The following ATE1 variants were observed in gnomAD, a reference collection of about 807,000 sequenced individuals.
ATE1 encodes the protein arginyl-tRNA--protein transferase 1.
Under a neutral mutation model 70.5 loss-of-function variants are expected in ATE1, and 36 were observed. The observed-to-expected ratio is 0.51, with a 90% CI of 0.39 to 0.67. The LOEUF (loss-of-function observed/expected upper bound fraction) is 0.67, where lower values mean the gene tolerates loss of function less well. ATE1 is among the 30% of genes least tolerant of loss of function. The pLI is 0.00. For synonymous variants in ATE1, 232 were observed against 219.3 expected, an observed-to-expected ratio of 1.06 and a Z score of -0.51; for missense variants, 593 against 629.5, an observed-to-expected ratio of 0.94 and a Z score of 0.62.
chr10:121,843,966 GA>G (rs1948722737), intron 8 of ATE1, among the ~76,000 whole-genome samples: 1 of 152,176 alleles, frequency 6.6e-6, no homozygotes, highest in Non-Finnish European at 1.5e-5. Context: ...TCTGCTCTGT[GA>G]AAAACATTGT....
chr10:121,915,003 C>T (rs1019468918), intron 3 of ATE1, among the ~76,000 whole-genome samples: 2 of 152,160 alleles, frequency 1.3e-5, no homozygotes, highest in African/African-American at 4.8e-5. Flanking sequence ...GTAAACCAAA[C>T]CCATCAGGTA....
chr10:121,748,652 GTT>G (rs1034935913), intron 11 of ATE1, among the ~76,000 whole-genome samples: 1 of 142,932 alleles, frequency 7.0e-6, no homozygotes, highest in Admixed American at 7.0e-5. Flanking sequence ...TAGTTTTTTT[GTT>G]TTTTTTTTTA....
intron 11 of ATE1, among the ~76,000 whole-genome samples, chr10:121,789,535 G>A (rs138412979): frequency 6.1e-4 from 93 of 152,126 alleles, no homozygotes; most frequent in African/African-American, 2.2e-3. Flanking sequence ...CTGACCTCAC[G>A]TGATCTGCCT....
intron 11 of ATE1, among the ~76,000 whole-genome samples, chr10:121,773,737 G>A (rs1261431589): frequency 6.6e-6 from 1 of 152,014 alleles, no homozygotes; most frequent in African/African-American, 2.4e-5. Context: ...AAACATTTCT[G>A]TGAAATATTT....
chr10:121,888,507 C>T (rs751016576), intron 7 of ATE1, among the ~76,000 whole-genome samples: 1 of 152,078 alleles, frequency 6.6e-6, no homozygotes, highest in Admixed American at 6.5e-5. Context: ...GAAGGACAAC[C>T]GACATTACAT....
At chr10:121,816,494 C>T (rs1947547499) in intron 10 of ATE1, among the ~76,000 whole-genome samples, 1 of 152,180 alleles carries the variant, frequency 6.6e-6, no homozygotes, top group Non-Finnish European at 1.5e-5. Context: ...CACTCTTCCA[C>T]CAGGTAAGGG....
chr10:121,777,406 T>G (rs1449938990), intron 11 of ATE1, among the ~76,000 whole-genome samples: 1 of 152,128 alleles, frequency 6.6e-6, no homozygotes, highest in African/African-American at 2.4e-5. Context: ...ATTTGAGCGA[T>G]TCTAAGAACA....
intron 8 of ATE1, among the ~76,000 whole-genome samples, chr10:121,855,987 A>G (rs978479131): frequency 6.6e-6 from 1 of 151,312 alleles, no homozygotes; most frequent in Non-Finnish European, 1.5e-5. Context: ...GAGGCAGGAG[A>G]ATCACTTGAA....
At chr10:121,797,589 TAA>T (rs35428247) in intron 10 of ATE1, among the ~76,000 whole-genome samples, 76,779 of 145,264 alleles carry the variant, frequency 0.53, 20,158 homozygotes, top group East Asian at 0.78. Flanking sequence ...TGAGTGGGAG[TAA>T]AAAAAAAAAA....
At chr10:121,796,443 T>C (rs757401829) in intron 10 of ATE1, among the ~76,000 whole-genome samples, 36 of 152,146 alleles carry the variant, frequency 2.4e-4, no homozygotes, top group Admixed American at 5.9e-4. Context: ...CCAAACGATT[T>C]TAACTTCTGC....
chr10:121,927,503 C>G, intron 1 of ATE1: 1 of 985,392 alleles, frequency 1.0e-6, no homozygotes, highest in Non-Finnish European at 1.2e-6. Flanking sequence ...CAGCACCCAC[C>G]GGTCAGCCCC....
chr10:121,746,000 A>C (rs116387976), intron 11 of ATE1, among the ~76,000 whole-genome samples: 2,110 of 152,300 alleles, frequency 0.014, 43 homozygotes, highest in African/African-American at 0.049. Flanking sequence ...GTCCAATATA[A>C]AAAATCTGGA....
At position 121,819,679 on chromosome 10, in the gene ATE1, C is replaced by CAAAAAAAA. The variant is rs57035123; in HGVS notation, c.1257+17031_1257+17038dup. On this transcript the variant is annotated intron_variant, in intron 10 of 11. Coordinates refer to ENST00000224652, the MANE Select transcript of ATE1 (RefSeq NM_001001976.3). ...CCTGGGTGACAGAGCAAGACTGTCT[C>CAAAAAAAA]AAAAAAAAAAAAAAAAAAAAAAGAC... is the stretch of plus-strand genomic sequence containing the variant. 4.7e-4 allele frequency among the ~76,000 whole-genome samples: 25 copies of CAAAAAAAA among 52,714 alleles called. 1 individual carries two copies. Among genetic ancestry groups the CAAAAAAAA allele is most frequent in the African/African-American group, 1.4e-3 (16 of 11,430 alleles). 34.6% of individuals were successfully genotyped at this position (52,714 alleles called of 152,430 possible).
rs114019676 is a variant in ATE1 at position 121,753,767 on chromosome 10, C to T, written c.1379-9909G>A. Reference sequence around the variant, plus strand: ...CCGTTTATCTTTATCCTAATAAAGGCGAGGCTTAAAAACTCATAGAATATA... The same window carrying T: ...CCGTTTATCTTTATCCTAATAAAGGTGAGGCTTAAAAACTCATAGAATATA... On this transcript the variant is annotated intron_variant, in intron 11 of 11. Coordinates refer to ENST00000224652, the MANE Select transcript of ATE1 (RefSeq NM_001001976.3). Among the ~76,000 whole-genome samples the T allele has an allele frequency of 7.3e-3, 1,116 of 152,190 alleles. 20 individuals carry two copies. The highest frequency in any genetic ancestry group is 0.026 in the African/African-American group (1,074 of 41,520).
intron 10 of ATE1, among the ~76,000 whole-genome samples, chr10:121,832,824 T>C (rs1373027252): frequency 6.6e-6 from 1 of 152,214 alleles, no homozygotes; most frequent in Admixed American, 6.5e-5. Context: ...CTGGGAACTT[T>C]CAGAGAGAGG....
chr10:121,821,976 T>A (rs1432547758), intron 10 of ATE1, among the ~76,000 whole-genome samples: 4 of 152,166 alleles, frequency 2.6e-5, no homozygotes, highest in East Asian at 1.9e-4. Context: ...ACCACTTTTT[T>A]AAAAATTATG....
intron 8 of ATE1, among the ~76,000 whole-genome samples, chr10:121,852,474 G>A (rs1949090844): frequency 3.3e-5 from 5 of 152,120 alleles, no homozygotes; most frequent in Admixed American, 3.3e-4. Context: ...ACTTTGGGAG[G>A]CAGAGGCAGG....
At chr10:121,876,452 A>T (rs1187368409) in intron 7 of ATE1, among the ~76,000 whole-genome samples, 1 of 152,226 alleles carries the variant, frequency 6.6e-6, no homozygotes, top group Non-Finnish European at 1.5e-5. Context: ...CGTTCACTAT[A>T]ATAATCATCA....
intron 11 of ATE1, among the ~76,000 whole-genome samples, chr10:121,763,624 A>G (rs759050551): frequency 2.6e-5 from 4 of 152,226 alleles, no homozygotes; most frequent in Non-Finnish European, 5.9e-5. Flanking sequence ...GAACAGATGC[A>G]GCACAGGAGA....
Sources: gnomAD v4.1 joint callset for allele counts (sites outside exome capture counted in the v4.1 genomes callset) on GRCh38, gnomAD v4.1.1 for gene constraint, MANE v1.5 for transcripts, NCBI Gene and HGNC (gene_info 2026-07-23, HGNC 2026-07-21) for gene names.